MYO3A: variants seen among roughly 807,000 people sequenced by gnomAD.
MYO3A encodes myosin-IIIa.
MYO3A carries 180 observed loss-of-function variants against 192.7 expected under a neutral mutation model. The ratio of observed to expected loss-of-function variants is 0.93; its 90% CI spans 0.83 to 1.06. The LOEUF (loss-of-function observed/expected upper bound fraction) is 1.06. Among genes scored for constraint, MYO3A ranks in the 50% least tolerant of loss-of-function variants. The pLI is 0.00. For missense variants in MYO3A, 1,896 were observed against 1,905.0 expected (o/e 1.00, Z 0.09); for synonymous variants, 628 against 645.3 (o/e 0.97, Z 0.41).
chr10:26,082,256 T>C (rs1029214619), intron 14 of MYO3A, among the ~76,000 whole-genome samples: 2 of 152,222 alleles, frequency 1.3e-5, no homozygotes, highest in African/African-American at 4.8e-5. Context: ...CTTCCTCAAC[T>C]TCTTTCATCA....
chr10:26,105,365 C>A lies in MYO3A; in HGVS notation c.1776+8683C>A, dbSNP rs187145985. On this transcript the variant is annotated intron_variant, in intron 17 of 34. Transcript: ENST00000642920. ...ATACCCTTCCCCCACTCATTCCTGCCAGCAATGTGTTGTGGCTTTTTAAAT... is the reference window on the plus strand; with the variant it reads ...ATACCCTTCCCCCACTCATTCCTGCAAGCAATGTGTTGTGGCTTTTTAAAT... 2.0e-4 allele frequency among the ~76,000 whole-genome samples: 31 copies of A among 152,242 alleles called. 1 individual carries two copies. The highest frequency in any genetic ancestry group is 7.2e-4 in the African/African-American group (30 of 41,576).
intron 25 of MYO3A, among the ~76,000 whole-genome samples, chr10:26,156,507 A>C (rs1343883181): frequency 6.6e-6 from 1 of 152,222 alleles, no homozygotes; most frequent in Non-Finnish European, 1.5e-5. Context: ...ACACAGTTTC[A>C]TATCTATGTG....
At chr10:25,947,401 T>C (rs534107019) in intron 2 of MYO3A, among the ~76,000 whole-genome samples, 230 of 146,452 alleles carry the variant, frequency 1.6e-3, no homozygotes, top group African/African-American at 5.6e-3. Flanking sequence ...TTTTTTTTTT[T>C]TTTTTTTTTG....
chr10:26,055,125 GCT>G (rs1844237616), intron 10 of MYO3A, among the ~76,000 whole-genome samples: 1 of 152,184 alleles, frequency 6.6e-6, no homozygotes, highest in Non-Finnish European at 1.5e-5. Context: ...TAGAGCTACA[GCT>G]CTCTCTTGGC....
At chr10:26,032,771 G>A (rs183254472) in intron 10 of MYO3A, among the ~76,000 whole-genome samples, 82 of 152,208 alleles carry the variant, frequency 5.4e-4, no homozygotes, top group African/African-American at 1.9e-3. Flanking sequence ...CAAAAAAATA[G>A]GAAGTAATAA....
At chr10:26,091,106 G>A (rs1836675059) in intron 15 of MYO3A, among the ~76,000 whole-genome samples, 1 of 152,240 alleles carries the variant, frequency 6.6e-6, no homozygotes, top group Admixed American at 6.5e-5. Flanking sequence ...AAGAATTGCA[G>A]GCTGTAGGGA....
chr10:26,054,681 G>A lies in MYO3A; in HGVS notation c.954-12294G>A, dbSNP rs145932813. 7.7e-4 allele frequency among the ~76,000 whole-genome samples: 118 copies of A among 152,274 alleles called. 1 individual carries two copies. Among genetic ancestry groups the A allele is most frequent in the Middle Eastern group, 3.4e-3 (1 of 294 alleles). ...ATCATAAGAGTCCTTATAAGACAGA[G>A]GCAAGAAGGTTAGTGAGGGAGAAAA... On this transcript the variant is annotated intron_variant, in intron 10 of 34. Coordinates refer to ENST00000642920, the MANE Select transcript of MYO3A (RefSeq NM_017433.5).
At chr10:26,079,977 A>T (rs1293844704) in intron 14 of MYO3A, among the ~76,000 whole-genome samples, 1 of 152,148 alleles carries the variant, frequency 6.6e-6, no homozygotes, top group Non-Finnish European at 1.5e-5. Context: ...AATTTTGGAT[A>T]ACCTGATGAG....
At chr10:26,062,871 A>G (rs936168828) in intron 10 of MYO3A, among the ~76,000 whole-genome samples, 17 of 136,018 alleles carry the variant, frequency 1.2e-4, no homozygotes, top group African/African-American at 3.9e-4. Flanking sequence ...AGAAGTGTGT[A>G]TGGGGGTGAG....
chr10:26,093,079 A>G (rs750636443), intron 15 of MYO3A, among the ~76,000 whole-genome samples: 21 of 152,230 alleles, frequency 1.4e-4, no homozygotes, highest in Non-Finnish European at 2.4e-4. Flanking sequence ...TACAATGTAC[A>G]ATTAATGTAC....
intron 2 of MYO3A, among the ~76,000 whole-genome samples, chr10:25,939,353 GT>G (rs1836325121): frequency 6.6e-6 from 1 of 151,552 alleles, no homozygotes; most frequent in South Asian, 2.1e-4. Context: ...TTCCTGTAAT[GT>G]TTTTCTTTAA....
chr10:26,021,570 TCA>T lies in MYO3A; in HGVS notation c.655_656del (p.Thr219GlyfsTer3). On this transcript the variant is annotated frameshift_variant, in exon 8 of 35. Transcript: ENST00000642920. LOFTEE classifies it high-confidence loss of function. ...AGATGTGACACTTGGTCCCTGGGTA[TCA>T]CGGCCATTGAGCTGGGTGATGGAGA... 1.2e-6 allele frequency: 2 copies of T among 1,614,128 alleles called. No individual in the cohort carries two copies. Among genetic ancestry groups the T allele is most frequent in the Non-Finnish European group, 1.7e-6 (2 of 1,179,974 alleles).
At chr10:26,201,207 A>G (rs1843658083) in intron 32 of MYO3A, 58 bp from the exon 33 acceptor site, 2 of 887,180 alleles carry the variant, frequency 2.3e-6, no homozygotes, top group Non-Finnish European at 3.3e-6. Flanking sequence ...ATAGTTATAT[A>G]TCCATTATAT....
chr10:26,007,326 C>G (rs1271482626), intron 6 of MYO3A, among the ~76,000 whole-genome samples: 19 of 150,630 alleles, frequency 1.3e-4, no homozygotes, highest in Non-Finnish European at 2.2e-4. Context: ...CGGCACAAGA[C>G]AGGGATGCCC....
Position 26,174,085 on chromosome 10 carries a change from T to C in MYO3A, c.3821T>C (p.Leu1274Ser). The C allele has an allele frequency of 6.2e-7, 1 of 1,614,220 alleles. No individual in the cohort carries two copies. The highest frequency in any genetic ancestry group is 8.5e-7 in the Non-Finnish European group (1 of 1,180,038). ...SERPSYPVPW[L>S]AENETSFKKT... ...AGGCCAAGCTACCCAGTGCCTTGGT[T>C]AGCTGAAAATGAGACTTCCTTTAAA... is the stretch of plus-strand genomic sequence containing the variant. Residue 1274 changes from leucine (L) to serine (S), a missense_variant, in exon 30 of 35, where the codon TTA becomes TCA. Transcript: ENST00000642920.
chr10:26,208,294 G>A (rs1015168338), intron 34 of MYO3A, among the ~76,000 whole-genome samples: 8 of 152,110 alleles, frequency 5.3e-5, no homozygotes, highest in African/African-American at 1.9e-4. Context: ...ATAAAAAGGG[G>A]AAAATAAGAT....
intron 6 of MYO3A, among the ~76,000 whole-genome samples, chr10:26,003,484 A>T (rs6482525): frequency 6.6e-6 from 1 of 152,198 alleles, no homozygotes; most frequent in Middle Eastern, 3.4e-3. Flanking sequence ...TTTAAGAAAA[A>T]CTTTTAGTTT....
At chr10:26,099,956 C>A (rs1837328131) in intron 17 of MYO3A, among the ~76,000 whole-genome samples, 1 of 152,168 alleles carries the variant, frequency 6.6e-6, no homozygotes, top group Admixed American at 6.5e-5. Context: ...CCCTCTTTTT[C>A]TATTGATAGG....
chr10:25,947,389 C>CTTTTTTTTTTT (rs869281200), intron 2 of MYO3A, among the ~76,000 whole-genome samples: 264 of 91,732 alleles, frequency 2.9e-3, no homozygotes, highest in Middle Eastern at 0.024. Flanking sequence ...TTTTCTTTTT[C>CTTTTTTTTTTT]TTTTTTTTTT....
Sources: allele counts gnomAD v4.1 joint callset (sites outside exome capture counted in the v4.1 genomes callset), GRCh38; gene constraint gnomAD v4.1.1; transcripts MANE v1.5; gene names NCBI Gene and HGNC (gene_info 2026-07-23, HGNC 2026-07-21).